Variants in GRAMD1B observed in about 807,000 individuals in gnomAD.
GRAMD1B encodes the protein protein Aster-B.
In GRAMD1B, 37 loss-of-function variants were observed where a neutral mutation model predicts 99.7. The observed-to-expected ratio is 0.37, with a 90% confidence interval of 0.29 to 0.49. The LOEUF (loss-of-function observed/expected upper bound fraction) is 0.49. Among genes scored for constraint, GRAMD1B ranks in the 20% least tolerant of loss-of-function variants. GRAMD1B has a pLI of 0.98. For missense variants in GRAMD1B, 888 were observed against 1,009.2 expected (o/e 0.88, Z 1.63); for synonymous variants, 427 against 387.6 (o/e 1.10, Z -1.19).
At chr11:123,528,863 G>A (rs960229665) in intron 2 of GRAMD1B, among the ~76,000 whole-genome samples, 1 of 152,142 alleles carries the variant, frequency 6.6e-6, no homozygotes, top group African/African-American at 2.4e-5. Flanking sequence ...AGTGAGATTT[G>A]ATTAAATTAA....
intron 4 of GRAMD1B, among the ~76,000 whole-genome samples, chr11:123,593,042 G>A (rs930562238): frequency 6.6e-6 from 1 of 152,098 alleles, no homozygotes; most frequent in African/African-American, 2.4e-5. Flanking sequence ...GACCAGCCTG[G>A]CCAATATGGC....
rs1948828781 is a variant in GRAMD1B, at chr11:123,577,380, T to TG, written c.466_467insG (p.Ser156CysfsTer73). ...CTGCCGCTGCAGCACTGCCAGTAAC[T>TG]CCAACCGCAGCACGCCGGCCTGCTC... On this transcript the variant is annotated frameshift_variant, in exon 3 of 20. Coordinates refer to ENST00000635736, the MANE Select transcript of GRAMD1B (RefSeq NM_001387025.1). LOFTEE classifies it high-confidence loss of function. 1 of 1,586,134 alleles carries TG rather than the reference T, an allele frequency of 6.3e-7. No individual in the cohort carries two copies. Among genetic ancestry groups the TG allele is most frequent in the African/African-American group, 1.3e-5 (1 of 74,252 alleles).
intron 1 of GRAMD1B, among the ~76,000 whole-genome samples, chr11:123,434,832 A>T (rs1057407538): frequency 6.6e-6 from 1 of 152,180 alleles, no homozygotes; most frequent in African/African-American, 2.4e-5. Context: ...GAGTGCAGGG[A>T]ACATTGGACT....
intron 2 of GRAMD1B, among the ~76,000 whole-genome samples, chr11:123,547,250 A>T (rs1213545618): frequency 1.3e-5 from 2 of 152,146 alleles, no homozygotes; most frequent in Non-Finnish European, 2.9e-5. Flanking sequence ...CTCAATCTGG[A>T]GAAGAAGGAT....
At chr11:123,465,251 T>TGTATCAAGCAAAGAGCG (rs1950606235) in intron 1 of GRAMD1B, among the ~76,000 whole-genome samples, 1 of 152,122 alleles carries the variant, frequency 6.6e-6, no homozygotes, top group African/African-American at 2.4e-5. Context: ...AAGAGCGGTA[T>TGTATCAAGCAAAGAGCG]GTATGTTGAA....
chr11:123,541,608 T>C (rs1197094144), intron 2 of GRAMD1B, among the ~76,000 whole-genome samples: 1 of 152,094 alleles, frequency 6.6e-6, no homozygotes, highest in Non-Finnish European at 1.5e-5. Context: ...TTGGAACTCT[T>C]TAATAAAGAT....
At chr11:123,465,154 T>C (rs1036492827) in intron 1 of GRAMD1B, among the ~76,000 whole-genome samples, 1 of 152,022 alleles carries the variant, frequency 6.6e-6, no homozygotes, top group African/African-American at 2.4e-5. Flanking sequence ...ATGTGTCATG[T>C]GAGAAGAGAA....
chr11:123,413,410 G>A (rs1012671335), intron 1 of GRAMD1B, among the ~76,000 whole-genome samples: 9 of 152,088 alleles, frequency 5.9e-5, no homozygotes, highest in African/African-American at 1.4e-4. Flanking sequence ...CTGGGGTAAC[G>A]TGTATCGGAG....
chr11:123,473,443 T>C (rs1951112231), intron 1 of GRAMD1B, among the ~76,000 whole-genome samples: 1 of 152,176 alleles, frequency 6.6e-6, no homozygotes, highest in Admixed American at 6.5e-5. Flanking sequence ...TTTGTTTTCA[T>C]TTATTTTTTG....
intron 2 of GRAMD1B, among the ~76,000 whole-genome samples, chr11:123,561,135 A>G (rs1592008471): frequency 6.6e-6 from 1 of 152,162 alleles, no homozygotes; most frequent in African/African-American, 2.4e-5. Flanking sequence ...GCAAGACTTA[A>G]TTCAGTGCCC....
chr11:123,609,235 T>TGAC (rs1953192509), intron 12 of GRAMD1B, among the ~76,000 whole-genome samples: 1 of 152,180 alleles, frequency 6.6e-6, no homozygotes, highest in African/African-American at 2.4e-5. Context: ...AGTGCTTGCC[T>TGAC]GACCTCATGC....
intron 2 of GRAMD1B, among the ~76,000 whole-genome samples, chr11:123,554,405 T>C (rs73027972): frequency 0.038 from 5,706 of 151,824 alleles, 175 homozygotes; most frequent in Middle Eastern, 0.058. Flanking sequence ...TTAAGAATCA[T>C]TGGCTGGGTG....
At chr11:123,480,074 G>C (rs934986534) in intron 1 of GRAMD1B, among the ~76,000 whole-genome samples, 5 of 152,078 alleles carry the variant, frequency 3.3e-5, no homozygotes, top group Non-Finnish European at 5.9e-5. Flanking sequence ...TGAAGTGTCT[G>C]ATAAGCTTTT....
In GRAMD1B at chr11:123,492,576, T is replaced by C. The variant is rs1938677845; in HGVS notation, c.452+11683T>C. Among the ~76,000 whole-genome samples the C allele has an allele frequency of 6.6e-6, 1 of 152,114 alleles. No homozygotes were observed. Among genetic ancestry groups the C allele is most frequent in the African/African-American group, 2.4e-5 (1 of 41,418 alleles). ...CTGTAACTAGAAGAAGGAGATTTCC[T>C]GGAGGAGGAAGAGGTTCCAGCCCCT... On this transcript the variant is annotated intron_variant, in intron 2 of 19. Transcript: ENST00000635736. This position sits in a 1 kb window ranked among gnomAD's most constrained non-coding sequence, Gnocchi z 4.2.
intron 2 of GRAMD1B, among the ~76,000 whole-genome samples, chr11:123,572,771 G>A (rs955643171): frequency 1.3e-4 from 20 of 150,574 alleles, no homozygotes; most frequent in Admixed American, 4.6e-4. Context: ...AGGCAGAGGC[G>A]CAGGTAGGCC....
intron 2 of GRAMD1B, among the ~76,000 whole-genome samples, chr11:123,563,511 T>TC (rs1406556994): frequency 6.6e-6 from 1 of 151,874 alleles, no homozygotes; most frequent in Non-Finnish European, 1.5e-5. Flanking sequence ...TTTTTCTTTT[T>TC]TTTTTTTTTC....
intron 10 of GRAMD1B, 128 bp downstream of exon 10, chr11:123,605,606 A>G: frequency 1.3e-6 from 1 of 759,464 alleles, no homozygotes; most frequent in Non-Finnish European, 2.1e-6. Context: ...CAGTTTCTTC[A>G]AGGAGGCATT....
intron 1 of GRAMD1B, among the ~76,000 whole-genome samples, chr11:123,423,832 C>T (rs2136048238): frequency 6.6e-6 from 1 of 152,292 alleles, no homozygotes; most frequent in East Asian, 1.9e-4. Context: ...CTCTCATCAT[C>T]TTGAAATAGG....
chr11:123,577,305 C>T, intron 2 of GRAMD1B, 62 bp from the exon 3 acceptor site: 1 of 1,380,022 alleles, frequency 7.2e-7, no homozygotes, highest in East Asian at 2.5e-5. Context: ...CGATCACTGA[C>T]TGCCTGCCTT....
Sources: allele counts gnomAD v4.1 joint callset (sites outside exome capture counted in the v4.1 genomes callset), GRCh38; gene constraint gnomAD v4.1.1; non-coding constraint Gnocchi (gnomAD v3.1); transcripts MANE v1.5; gene names NCBI Gene and HGNC (gene_info 2026-07-23, HGNC 2026-07-21).